Variants in NCOA3 observed in about 807,000 individuals in gnomAD.
The protein encoded by NCOA3 is nuclear receptor coactivator 3.
A neutral mutation model predicts 158.8 loss-of-function variants in NCOA3; 51 were observed. That is an observed-to-expected ratio of 0.32 (90% CI 0.26 to 0.41). The LOEUF is 0.41. NCOA3 is among the 10% of genes least tolerant of loss of function. NCOA3 has a pLI of 1.00. For missense variants in NCOA3, 1,510 were observed against 1,746.6 expected (o/e 0.86, Z 2.41); for synonymous variants, 537 against 592.4 (o/e 0.91, Z 1.36).
Position 47,655,781 on chromosome 20 carries a change from A to AT in NCOA3, c.*2364_*2365insT, listed in dbSNP as rs1195897880. On this transcript the variant is annotated 3_prime_UTR_variant, in exon 23 of 23. Transcript: ENST00000371998. ...AAAAAAATTATTAAAAACAAAAAAA[A>AT]AATAAATTTTTTTGCAATCCTTTCC... The AT allele has an allele frequency of 6.6e-6, 1 of 152,572 alleles. No individual in the cohort carries two copies. The highest frequency in any genetic ancestry group is 1.9e-4 in the East Asian group (1 of 5,202). 9.5% of individuals were successfully genotyped at this position (152,572 alleles called of 1,614,324 possible). A position where few individuals can be genotyped will look rare whatever the true frequency, so the allele number is the denominator to read the frequency against.
intron 1 of NCOA3, among the ~76,000 whole-genome samples, chr20:47,525,574 C>G (rs2084419035): frequency 7.1e-6 from 1 of 140,196 alleles, no homozygotes; most frequent in Non-Finnish European, 1.6e-5. Flanking sequence ...TGACCCCCCC[C>G]ACCTCCCTCC....
intron 13 of NCOA3, among the ~76,000 whole-genome samples, chr20:47,638,680 G>T (rs1457125193): frequency 6.6e-6 from 1 of 152,272 alleles, no homozygotes; most frequent in East Asian, 1.9e-4. Flanking sequence ...TCAGGAGCTT[G>T]GAACATTTGT....
In NCOA3 at chr20:47,542,009, G is replaced by GTTTTTTTGCTTTTTTTTTTTT. The variant is rs71183262; in HGVS notation, c.-99+39997_-99+39998insGCTTTTTTTTTTTTTTTTTTT. 1.1e-4 allele frequency among the ~76,000 whole-genome samples: 6 copies of GTTTTTTTGCTTTTTTTTTTTT among 56,318 alleles called. 1 individual carries two copies. The highest frequency in any genetic ancestry group is 4.5e-4 in the African/African-American group (6 of 13,442). 36.9% of individuals were successfully genotyped at this position (56,318 alleles called of 152,430 possible). Reference sequence around the variant, plus strand: ...ATCAAATTATTTTTTGCCCTGTAGAGTTTTTTTTTTTTTTTTTTTTTGTTG... The same window carrying GTTTTTTTGCTTTTTTTTTTTT: ...ATCAAATTATTTTTTGCCCTGTAGAGTTTTTTTGCTTTTTTTTTTTTTTTTTTTTTTTTTTTTTTTTTGTTG... On this transcript the variant is annotated intron_variant, in intron 1 of 22. Transcript: ENST00000371998.
chr20:47,559,899 A>C (rs1012533332), intron 1 of NCOA3, among the ~76,000 whole-genome samples: 1 of 151,292 alleles, frequency 6.6e-6, no homozygotes, highest in Middle Eastern at 3.2e-3. Context: ...CAGTCTTCTC[A>C]CCTTGGCCTC....
intron 8 of NCOA3, among the ~76,000 whole-genome samples, chr20:47,632,381 G>GTTTT (rs34786220): frequency 7.4e-6 from 1 of 135,148 alleles, no homozygotes; most frequent in Non-Finnish European, 1.6e-5. Flanking sequence ...TGTTCAAGAG[G>GTTTT]TTTTTTTTTT....
intron 19 of NCOA3, 99 bp from the exon 20 acceptor site, chr20:47,650,883 T>G: frequency 1.7e-6 from 2 of 1,179,312 alleles, no homozygotes; most frequent in Non-Finnish European, 2.4e-6. Flanking sequence ...GCCCTGGGTG[T>G]TTTCTGTCTT....
intron 1 of NCOA3, among the ~76,000 whole-genome samples, chr20:47,526,027 G>A (rs2084439608): frequency 6.7e-6 from 1 of 149,672 alleles, no homozygotes; most frequent in Non-Finnish European, 1.5e-5. Flanking sequence ...GGGCGGAGGG[G>A]CTCCTCACTT....
rs3830810 is a variant in NCOA3 at position 47,651,070 on chromosome 20, TGCAGCAGCAGCA to T, written c.3750_3761del (p.Gln1273_Gln1276del). On this transcript the variant is annotated inframe_deletion, in exon 20 of 23. Coordinates refer to ENST00000371998, the MANE Select transcript of NCOA3 (RefSeq NM_181659.3). The stretch of plus-strand genomic sequence containing the variant: ...CGACAACAGAGGGTGGCTATGATGA[TGCAGCAGCAGCA>T]GCAGCAGCAACAGCAGCAGCAGCAG... 6.2e-6 allele frequency: 10 copies of T among 1,605,438 alleles called. No individual in the cohort carries two copies. The highest frequency in any genetic ancestry group is 4.1e-5 in the African/African-American group (3 of 73,196).
chr20:47,646,276 G>C (rs1341085854), intron 17 of NCOA3, among the ~76,000 whole-genome samples: 1 of 152,202 alleles, frequency 6.6e-6, no homozygotes, highest in Non-Finnish European at 1.5e-5. Flanking sequence ...ATGACTGTGT[G>C]TATTCAGTCA....
chr20:47,584,167 G>T (rs1398425353), intron 2 of NCOA3, among the ~76,000 whole-genome samples: 1 of 151,614 alleles, frequency 6.6e-6, no homozygotes, highest in Non-Finnish European at 1.5e-5. Context: ...AAGGTGGTGT[G>T]CGCTTGTAGT....
intron 17 of NCOA3, 142 bp from the exon 18 acceptor site, chr20:47,646,931 G>A (rs983152113): frequency 1.5e-6 from 1 of 682,302 alleles, no homozygotes; most frequent in African/African-American, 1.8e-5. Flanking sequence ...TTAGCATGTA[G>A]AGAAGTGATG....
At chr20:47,529,072 CT>C (rs1293178178) in intron 1 of NCOA3, among the ~76,000 whole-genome samples, 3 of 149,640 alleles carry the variant, frequency 2.0e-5, no homozygotes, top group Admixed American at 6.7e-5. Context: ...TGGCTGGACA[CT>C]TTTTTTTCTT....
At chr20:47,534,916 CTCTT>C (rs1022419655) in intron 1 of NCOA3, among the ~76,000 whole-genome samples, 13 of 151,086 alleles carry the variant, frequency 8.6e-5, no homozygotes, top group East Asian at 7.7e-4. Context: ...CTCCATCTCT[CTCTT>C]TTTTTTTTCT....
In NCOA3 at chr20:47,588,131, C is replaced by CTTTT. The variant is rs33989951; in HGVS notation, c.-20+4894_-20+4897dup. On this transcript the variant is annotated intron_variant, in intron 2 of 22. Coordinates refer to ENST00000371998, the MANE Select transcript of NCOA3 (RefSeq NM_181659.3). ...CCCTCCATACCCTTTCTCCACCCCA[C>CTTTT]TTTTTTTTTTTTTTTTTTTTTTTTT... Among the ~76,000 whole-genome samples, 625 of 78,540 alleles carry CTTTT rather than the reference C, an allele frequency of 8.0e-3. 87 individuals carry two copies. Among genetic ancestry groups the CTTTT allele is most frequent in the African/African-American group, 0.022 (469 of 20,850 alleles). 51.5% of individuals were successfully genotyped at this position (78,540 alleles called of 152,430 possible).
intron 1 of NCOA3, among the ~76,000 whole-genome samples, chr20:47,537,023 C>G (rs1280306724): frequency 6.6e-6 from 1 of 151,654 alleles, no homozygotes; most frequent in African/African-American, 2.4e-5. Context: ...GTTGGTCAGG[C>G]TGGTCTCAAA....
chr20:47,586,305 C>T (rs568980385), intron 2 of NCOA3, among the ~76,000 whole-genome samples: 1 of 152,160 alleles, frequency 6.6e-6, no homozygotes, highest in African/African-American at 2.4e-5. Context: ...TCTGGATATC[C>T]GTTATCCAGA....
At chr20:47,506,669 C>T (rs57313296) in intron 1 of NCOA3, among the ~76,000 whole-genome samples, 5,248 of 152,254 alleles carry the variant, frequency 0.034, 246 homozygotes, top group African/African-American at 0.11. Flanking sequence ...ACCTGACTGG[C>T]AAACAGGTTT....
intron 1 of NCOA3, among the ~76,000 whole-genome samples, chr20:47,554,105 A>G (rs1354227984): frequency 1.3e-5 from 2 of 152,130 alleles, no homozygotes; most frequent in African/African-American, 2.4e-5. Context: ...CTGGTGTGAG[A>G]TGGTATCTCA....
chr20:47,534,044 G>T (rs1319956393), intron 1 of NCOA3, among the ~76,000 whole-genome samples: 1 of 149,956 alleles, frequency 6.7e-6, no homozygotes, highest in Non-Finnish European at 1.5e-5. Flanking sequence ...GTGATAAGAA[G>T]TGGTCAGATT....
Sources: allele counts gnomAD v4.1 joint callset (sites outside exome capture counted in the v4.1 genomes callset), GRCh38; gene constraint gnomAD v4.1.1; transcripts MANE v1.5; gene names NCBI Gene and HGNC (gene_info 2026-07-23, HGNC 2026-07-21).